Variants in LAMC2 observed in about 807,000 individuals in gnomAD.
LAMC2 encodes the protein laminin subunit gamma-2.
A neutral mutation model predicts 140.2 loss-of-function variants in LAMC2; 97 were observed. The observed-to-expected ratio is 0.69, with a 90% CI of 0.59 to 0.82. The LOEUF (loss-of-function observed/expected upper bound fraction) is 0.82. Ranked by LOEUF, LAMC2 falls within the 40% of genes least tolerant of loss-of-function variation. The pLI, the probability that LAMC2 is intolerant of heterozygous loss-of-function variation, is 0.00. For missense variants in LAMC2, 1,402 were observed against 1,476.1 expected (o/e 0.95, Z 0.82); for synonymous variants, 513 against 540.2 (o/e 0.95, Z 0.70).
intron 1 of LAMC2, among the ~76,000 whole-genome samples, chr1:183,199,097 CT>C (rs906113983): frequency 4.9e-3 from 328 of 67,606 alleles, no homozygotes; most frequent in South Asian, 0.02. Flanking sequence ...GTTGGCTTTT[CT>C]TTTTTTTTTT....
chr1:183,221,777 T>C (rs2102221598), intron 5 of LAMC2, among the ~76,000 whole-genome samples: 1 of 145,468 alleles, frequency 6.9e-6, no homozygotes, highest in Admixed American at 6.9e-5. Context: ...CCCTCTCACT[T>C]CATTAAGGTG....
chr1:183,193,977 C>T (rs892836342), intron 1 of LAMC2, among the ~76,000 whole-genome samples: 9 of 152,170 alleles, frequency 5.9e-5, no homozygotes, highest in African/African-American at 9.7e-5. Flanking sequence ...CCCTCTCTCA[C>T]CCAGGCTGGA....
rs1394916475 is a variant in LAMC2 at position 183,243,668 on chromosome 1, G to A, written c.*268G>A. Reference sequence around the variant, plus strand: ...TGGACCCCAAAGAATAGACTGGATGGAAAGACAAACTGCACAGGCAGATGT... The same window carrying A: ...TGGACCCCAAAGAATAGACTGGATGAAAAGACAAACTGCACAGGCAGATGT... On this transcript the variant is annotated 3_prime_UTR_variant, in exon 23 of 23. Coordinates refer to ENST00000264144, the MANE Select transcript of LAMC2 (RefSeq NM_005562.3). The A allele has an allele frequency of 1.9e-6, 1 of 517,488 alleles. No individual in the cohort carries two copies. Among genetic ancestry groups the A allele is most frequent in the Non-Finnish European group, 3.5e-6 (1 of 284,974 alleles). The allele number at this position is 517,488 out of a possible 1,614,324, so 32.1% of individuals were successfully genotyped here. A position where few individuals can be genotyped will look rare whatever the true frequency, so the allele number is the denominator to read the frequency against.
At chr1:183,232,548 G>GACCATT (rs1659831911) in intron 13 of LAMC2, 104 bp from the exon 14 acceptor site, 1 of 1,166,370 alleles carries the variant, frequency 8.6e-7, no homozygotes, top group Non-Finnish European at 1.3e-6. Flanking sequence ...TTTCTCTATT[G>GACCATT]GGTTTTTGTC....
the LAMC2 span, chr1:183,252,555 G>GGAGATGGAGAAACAGAGAGGCAGGA: frequency 1.0e-6 from 1 of 968,118 alleles, no homozygotes; most frequent in Non-Finnish European, 1.7e-6. Context: ...GTCAAGACGA[G>GGAGATGGAGAAACAGAGAGGCAGGA]GAGATGGAGA....
At chr1:183,201,346 C>T (rs547283775) in intron 1 of LAMC2, among the ~76,000 whole-genome samples, 7 of 152,036 alleles carry the variant, frequency 4.6e-5, no homozygotes, top group Non-Finnish European at 1.0e-4. Flanking sequence ...TGCCAGATCC[C>T]GAACCCATAC....
At chr1:183,232,382 C>G in intron 13 of LAMC2, 39 bp downstream of exon 13, 1 of 1,608,410 alleles carries the variant, frequency 6.2e-7, no homozygotes, top group Non-Finnish European at 8.5e-7. Flanking sequence ...GAAGAGAATT[C>G]ATAGTCCTAG....
chr1:183,239,192 C>T (rs1284171356), intron 19 of LAMC2, among the ~76,000 whole-genome samples, 172 bp from the exon 20 acceptor site: 1 of 152,120 alleles, frequency 6.6e-6, no homozygotes, highest in Non-Finnish European at 1.5e-5. Flanking sequence ...GTAATTATAA[C>T]CCCTCCAATG....
the LAMC2 span, among the ~76,000 whole-genome samples, chr1:183,256,145 C>T: frequency 3.9e-5 from 6 of 151,966 alleles, no homozygotes; most frequent in African/African-American, 1.2e-4. Context: ...TGGTGGCTCA[C>T]GCGTGTAATC....
At chr1:183,211,817 A>G (rs1659078606) in intron 2 of LAMC2, among the ~76,000 whole-genome samples, 1 of 152,106 alleles carries the variant, frequency 6.6e-6, no homozygotes, top group Admixed American at 6.6e-5. Flanking sequence ...CCTAAATTTT[A>G]AATATTTATC....
chr1:183,251,284 C>T, the LAMC2 span: 3 of 152,232 alleles, frequency 2.0e-5, no homozygotes, highest in Non-Finnish European at 4.4e-5. Flanking sequence ...AGAAACAAGA[C>T]CAAGGCACTG....
Position 183,232,850 on chromosome 1 carries a change from G to A in LAMC2, c.2213G>A (p.Gly738Glu). 4.3e-6 allele frequency: 7 copies of A among 1,614,022 alleles called. No individual in the cohort carries two copies. The highest frequency in any genetic ancestry group is 5.9e-6 in the Non-Finnish European group (7 of 1,179,920). ...LSLAESEASL[G>E]NTNIPASDHY... Reference sequence around the variant, plus strand: ...CTGGCAGAAAGTGAAGCTTCCTTGGGAAACACTGTAGGTTTTTGCTGGGCT... The same window carrying A: ...CTGGCAGAAAGTGAAGCTTCCTTGGAAAACACTGTAGGTTTTTGCTGGGCT... The change falls in exon 14 of 23, where the codon GGA becomes GAA. Residue 738 changes from glycine (G) to glutamate (E), a missense_variant. By Grantham distance (98) the Gly-to-Glu change is moderately conservative. Coordinates refer to ENST00000264144, the MANE Select transcript of LAMC2 (RefSeq NM_005562.3).
downstream of LAMC2, chr1:183,249,314 G>A (rs200392804): frequency 4.6e-5 from 7 of 152,156 alleles, no homozygotes; most frequent in Non-Finnish European, 1.0e-4. Flanking sequence ...CATTCCTTAA[G>A]GACAGAGTTA....
At chr1:183,208,608 G>C (rs534559936) in intron 2 of LAMC2, among the ~76,000 whole-genome samples, 34 of 152,328 alleles carry the variant, frequency 2.2e-4, no homozygotes, top group African/African-American at 7.2e-4. Flanking sequence ...TTGCTAAAAA[G>C]ATAAAACAAA....
chr1:183,240,088 T>A lies in LAMC2; in HGVS notation c.3118T>A (p.Leu1040Met). 1 of 1,614,132 alleles carries A rather than the reference T, an allele frequency of 6.2e-7. No homozygotes were observed. Among genetic ancestry groups the A allele is most frequent in the Non-Finnish European group, 8.5e-7 (1 of 1,180,022 alleles). ...AGCCAATGTGACAGCAGATGGAGCCTTGGCCATGGAAAAGGGACTGGCCTC... is the reference window on the plus strand; with the variant it reads ...AGCCAATGTGACAGCAGATGGAGCCATGGCCATGGAAAAGGGACTGGCCTC... Reference protein sequence around the residue: ...LEANVTADGALAMEKGLASLK... With the variant: ...LEANVTADGAMAMEKGLASLK... Residue 1040 changes from leucine to methionine, a missense_variant, in exon 21 of 23, where the codon TTG becomes ATG. Transcript: ENST00000264144.
In LAMC2 at chr1:183,228,350, G is replaced by C. The variant is rs567541865; in HGVS notation, c.1469-24G>C. 105 of 1,614,114 alleles carry C rather than the reference G, an allele frequency of 6.5e-5. No homozygotes were observed. In the South Asian group the frequency reaches 8.6e-4, roughly 13 times the overall value. On this transcript the variant is annotated intron_variant, in intron 10 of 22. Coordinates refer to ENST00000264144, the MANE Select transcript of LAMC2 (RefSeq NM_005562.3). The surrounding 1 kb of genome is among the most constrained non-coding windows in gnomAD (Gnocchi z 4.3). ...TTCCTCCTGATGGATGTCGACCTAG[G>C]CTTGGTCATTTGTTCCTTCCCAGGT...
intron 1 of LAMC2, among the ~76,000 whole-genome samples, chr1:183,197,675 C>CA (rs201843893): frequency 0.07 from 8,682 of 123,576 alleles, 286 homozygotes; most frequent in South Asian, 0.12. Flanking sequence ...GACTCCGTCT[C>CA]AAAAAAAAAA....
intron 18 of LAMC2, 128 bp from the exon 19 acceptor site, chr1:183,238,179 T>G: frequency 1.4e-6 from 1 of 715,944 alleles, no homozygotes; most frequent in East Asian, 2.7e-5. Flanking sequence ...TGTAGAGGGG[T>G]TTGCTACAGC....
intron 1 of LAMC2, among the ~76,000 whole-genome samples, chr1:183,193,025 T>A (rs2102167515): frequency 6.6e-6 from 1 of 152,292 alleles, no homozygotes; most frequent in African/African-American, 2.4e-5. Flanking sequence ...TTGAAACTAA[T>A]CTTCAAGCTT....
Sources: allele counts gnomAD v4.1 joint callset (sites outside exome capture counted in the v4.1 genomes callset), GRCh38; gene constraint gnomAD v4.1.1; non-coding constraint Gnocchi (gnomAD v3.1); transcripts MANE v1.5; gene names NCBI Gene and HGNC (gene_info 2026-07-23, HGNC 2026-07-21).